The following DPAGT1 variants were observed in gnomAD, a reference collection of about 807,000 sequenced individuals.
DPAGT1 encodes dolichyl-phosphate N-acetylglucosaminephosphotransferase 1, also known as UDP-N-acetylglucosamine--dolichyl-phosphate N-acetylglucosaminephosphotransferase.
In DPAGT1, 25 loss-of-function variants were observed where a neutral mutation model predicts 39.3. The ratio of observed to expected loss-of-function variants is 0.64; its 90% CI spans 0.46 to 0.89. DPAGT1 has a LOEUF of 0.89. Among genes scored for constraint, DPAGT1 ranks in the 40% least tolerant of loss-of-function variants. DPAGT1 has a pLI of 0.00. For synonymous variants in DPAGT1, 193 were observed against 201.4 expected (o/e 0.96, Z 0.36); for missense variants, 381 against 500.6 (o/e 0.76, Z 2.28).
In DPAGT1 at chr11:119,097,931, G is replaced by A. The variant is rs759090349; in HGVS notation, c.841C>T (p.Pro281Ser). The A allele has an allele frequency of 1.2e-6, 2 of 1,614,088 alleles. No homozygotes were observed. Among genetic ancestry groups the A allele is most frequent in the African/African-American group, 2.7e-5 (2 of 74,918 alleles). Residue 281 changes from proline (P) to serine (S), a missense_variant, in exon 6 of 9, where the codon CCC (proline) becomes TCC (serine). By Grantham distance (74) the Pro-to-Ser change is moderately conservative. Transcript: ENST00000354202. The surrounding 1 kb of genome is among the most constrained non-coding windows in gnomAD (Gnocchi z 4.6). ...FSKTMLLFFM[P>S]QVFNFLYSLP... ...GAGTAGAGGAAGTTGAACACCTGGG[G>A]CATGAAGAATAGTAGCATGGTCTTG...
downstream of DPAGT1, chr11:119,095,336 G>A (rs778838502): frequency 6.2e-7 from 1 of 1,602,002 alleles, no homozygotes; most frequent in South Asian, 1.1e-5. Flanking sequence ...GCCGGCGCGC[G>A]ACGAGCGCGA....
At chr11:119,099,505 A>G (rs1287359366) in intron 4 of DPAGT1, among the ~76,000 whole-genome samples, 2 of 151,882 alleles carry the variant, frequency 1.3e-5, no homozygotes, top group African/African-American at 4.8e-5. Context: ...AAGAAATGGT[A>G]GGAACTGGCT....
In DPAGT1 at chr11:119,101,479, G is replaced by C; in HGVS notation, c.161+16C>G. ...TAGCCCTTGCCCCCTGCCCGGACCC[G>C]TGTGCCGCTGCTCACATCTGCTGTC... On this transcript the variant is annotated intron_variant, in intron 1 of 8. Coordinates refer to ENST00000354202, the MANE Select transcript of DPAGT1 (RefSeq NM_001382.4). 2 of 1,613,946 alleles carry C rather than the reference G, an allele frequency of 1.2e-6. No individual in the cohort carries two copies. Among genetic ancestry groups the C allele is most frequent in the African/African-American group, 1.3e-5 (1 of 75,040 alleles).
Position 119,101,815 on chromosome 11 carries a change from C to T in DPAGT1, c.-160G>A. The T allele has an allele frequency of 6.6e-7, 1 of 1,506,604 alleles. No individual in the cohort carries two copies. The highest frequency in any genetic ancestry group is 8.9e-7 in the Non-Finnish European group (1 of 1,128,966). The allele number at this position is 1,506,604 out of a possible 1,614,324, so 93.3% of individuals were successfully genotyped here. A position where few individuals can be genotyped will look rare whatever the true frequency, so the allele number is the denominator to read the frequency against. On this transcript the variant is annotated 5_prime_UTR_variant, in exon 1 of 9. Transcript: ENST00000354202. ...CAGCAACTCTGACTTGAGCCGCCGT[C>T]GGGACACCGGGGAACCTCTCTAAGG... is the stretch of plus-strand genomic sequence containing the variant.
rs377263230 is a variant in DPAGT1 at position 119,098,414 on chromosome 11, G to A, written c.717C>T (p.Leu239=). 119 of 1,613,838 alleles carry A rather than the reference G, an allele frequency of 7.4e-5. No individual in the cohort carries two copies. Among genetic ancestry groups the A allele is most frequent in the Non-Finnish European group, 9.7e-5 (115 of 1,179,902 alleles). ...ACAGGCCTACTTACCAGTTGTGGTAGAGCAATCCCAAAGTGGTGAAAAAAA... is the reference window on the plus strand; with the variant it reads ...ACAGGCCTACTTACCAGTTGTGGTAAAGCAATCCCAAAGTGGTGAAAAAAA... ...IPFFFTTLGL[L]YHNWYPSRVF... is the part of the protein sequence containing the mutation. The change falls in exon 5 of 9, where the codon CTC becomes CTT. Residue 239 remains leucine (L), a synonymous_variant. Coordinates refer to ENST00000354202, the MANE Select transcript of DPAGT1 (RefSeq NM_001382.4).
chr11:119,095,022 C>T (rs747178969), downstream of DPAGT1: 1 of 1,613,388 alleles, frequency 6.2e-7, no homozygotes, highest in Non-Finnish European at 8.5e-7. Flanking sequence ...TTCGGCCCCA[C>T]GGTGGCGCTG....
intron 1 of DPAGT1, 78 bp from the exon 2 acceptor site, chr11:119,101,216 C>T (rs1359960255): frequency 1.2e-6 from 2 of 1,600,326 alleles, no homozygotes; most frequent in African/African-American, 1.3e-5. Flanking sequence ...GTTACAGTAA[C>T]CCAAAGTGGT....
downstream of DPAGT1, chr11:119,095,471 G>T: frequency 7.0e-7 from 1 of 1,428,732 alleles, no homozygotes; most frequent in Non-Finnish European, 9.2e-7. Context: ...CTGCTGTCGC[G>T]CGCGCGCCGC....
chr11:119,095,558 G>A (rs1289558176), downstream of DPAGT1: 35 of 759,084 alleles, frequency 4.6e-5, no homozygotes, highest in South Asian at 7.3e-4. Context: ...CCCGCCTCCG[G>A]TTGGTTGCGG....
Position 119,096,557 on chromosome 11 carries a change from C to A in DPAGT1, c.*441G>T. 2 of 247,850 alleles carry A rather than the reference C, an allele frequency of 8.1e-6. No homozygotes were observed. The highest frequency in any genetic ancestry group is 1.6e-5 in the Non-Finnish European group (2 of 125,886). The allele number at this position is 247,850 out of a possible 1,614,324, so 15.4% of individuals were successfully genotyped here. Reference sequence around the variant, plus strand: ...TGTCTCCATTGAGAGCATGTGGCCCCCTGCTTAGTTCTTACTAATCAGAAC... The same window carrying A: ...TGTCTCCATTGAGAGCATGTGGCCCACTGCTTAGTTCTTACTAATCAGAAC... On this transcript the variant is annotated 3_prime_UTR_variant, in exon 9 of 9. Transcript: ENST00000354202.
chr11:119,095,033 G>T, downstream of DPAGT1: 4 of 1,613,558 alleles, frequency 2.5e-6, no homozygotes, highest in Non-Finnish European at 3.4e-6. Context: ...GGTGGCGCTG[G>T]TCTTCTTGGG....
chr11:119,098,572 A>G, intron 4 of DPAGT1, 85 bp from the exon 5 acceptor site: 1 of 1,381,392 alleles, frequency 7.2e-7, no homozygotes, highest in Non-Finnish European at 1.0e-6. Context: ...AGTTCTGTTT[A>G]CAGCTGTTAT....
downstream of DPAGT1, chr11:119,095,030 C>T: frequency 6.2e-7 from 1 of 1,613,482 alleles, no homozygotes; most frequent in Non-Finnish European, 8.5e-7. Flanking sequence ...CACGGTGGCG[C>T]TGGTCTTCTT....
downstream of DPAGT1, chr11:119,095,241 G>C: frequency 6.2e-7 from 1 of 1,613,720 alleles, no homozygotes; most frequent in Non-Finnish European, 8.5e-7. Flanking sequence ...ACTGCCGCCA[G>C]GTACACTGGC....
Position 119,098,421 on chromosome 11 carries a change from C to A in DPAGT1, c.710G>T (p.Gly237Val). 1 of 1,613,914 alleles carries A rather than the reference C, an allele frequency of 6.2e-7. No homozygotes were observed. Among genetic ancestry groups the A allele is most frequent in the African/African-American group, 1.3e-5 (1 of 74,964 alleles). The change falls in exon 5 of 9, where the codon GGA (glycine) becomes GTA (valine). Residue 237 changes from glycine (G) to valine (V), a missense_variant. Physicochemically the swap from Gly to Val is moderately radical, Grantham distance 109. Coordinates refer to ENST00000354202, the MANE Select transcript of DPAGT1 (RefSeq NM_001382.4). The part of the protein sequence containing the change: ...FMIPFFFTTL[G>V]LLYHNWYPSR... Reference sequence around the variant, plus strand: ...TACTTACCAGTTGTGGTAGAGCAATCCCAAAGTGGTGAAAAAAAAGGGTAT... The same window carrying A: ...TACTTACCAGTTGTGGTAGAGCAATACCAAAGTGGTGAAAAAAAAGGGTAT...
chr11:119,101,401 T>G (rs749560726), intron 1 of DPAGT1, 94 bp downstream of exon 1: 227 of 1,606,332 alleles, frequency 1.4e-4, no homozygotes, highest in Non-Finnish European at 1.8e-4. Context: ...TTCTGAGTCT[T>G]CACGTGTGGT....
Position 119,100,636 on chromosome 11 carries a change from C to G in DPAGT1, c.490G>C (p.Asp164His). 1.9e-6 allele frequency: 3 copies of G among 1,614,022 alleles called. No homozygotes were observed. Among genetic ancestry groups the G allele is most frequent in the Non-Finnish European group, 1.7e-6 (2 of 1,180,004 alleles). ...PFRPILGLHL[D>H]LGILYYVYMG... ...CAGTGGTAGGACTACCTACCCAAGTCCAGATGCAGGCCAAGTATCGGGCGG... is the reference window on the plus strand; with the variant it reads ...CAGTGGTAGGACTACCTACCCAAGTGCAGATGCAGGCCAAGTATCGGGCGG... The change falls in exon 3 of 9, where the codon GAC becomes CAC. Residue 164 changes from aspartate to histidine, a missense_variant. Coordinates refer to ENST00000354202, the MANE Select transcript of DPAGT1 (RefSeq NM_001382.4).
chr11:119,099,058 C>T (rs916926519), intron 4 of DPAGT1, among the ~76,000 whole-genome samples: 1 of 152,122 alleles, frequency 6.6e-6, no homozygotes, highest in African/African-American at 2.4e-5. Flanking sequence ...CTTGTAGTAG[C>T]GTTTGTTTTG....
In DPAGT1 at chr11:119,100,755, T is replaced by C. The variant is rs1386979497; in HGVS notation, c.371A>G (p.His124Arg). The C allele has an allele frequency of 1.9e-6, 3 of 1,614,178 alleles. No individual in the cohort carries two copies. Among genetic ancestry groups the C allele is most frequent in the South Asian group, 1.1e-5 (1 of 91,082 alleles). The change falls in exon 3 of 9, where the codon CAT becomes CGT. Residue 124 changes from histidine (H) to arginine (R), a missense_variant. Physicochemically the swap from His to Arg is conservative, Grantham distance 29 (BLOSUM62 0). Transcript: ENST00000354202. ...GGCAGCTGTAGGTAGCAGCAGCTTA[T>C]GGCGCCAGCGCAGATTCAGTACATC... ...ADDVLNLRWR[H>R]KLLLPTAASL...
Sources: gnomAD v4.1 joint callset for allele counts (sites outside exome capture counted in the v4.1 genomes callset) on GRCh38, gnomAD v4.1.1 for gene constraint, Gnocchi (gnomAD v3.1) non-coding constraint, MANE v1.5 for transcripts, NCBI Gene and HGNC (gene_info 2026-07-23, HGNC 2026-07-21) for gene names.